HTT: variants seen among roughly 807,000 people sequenced by gnomAD.
HTT encodes the protein huntingtin.
A neutral mutation model predicts 362.3 loss-of-function variants in HTT; 104 were observed. The ratio of observed to expected loss-of-function variants is 0.29; its 90% CI spans 0.24 to 0.34. The LOEUF (loss-of-function observed/expected upper bound fraction) is 0.34. HTT is among the 10% of genes least tolerant of loss of function. The pLI, the probability that HTT is intolerant of heterozygous loss-of-function variation, is 1.00. For synonymous variants in HTT, 1,577 were observed against 1,548.7 expected, an observed-to-expected ratio of 1.02 and a Z score of -0.43; for missense variants, 3,301 against 3,928.6, an observed-to-expected ratio of 0.84 and a Z score of 4.27.
chr4:3,162,061 ATGT>A (rs1717473406), intron 29 of HTT, among the ~76,000 whole-genome samples: 2 of 152,146 alleles, frequency 1.3e-5, no homozygotes, highest in Non-Finnish European at 1.5e-5. Flanking sequence ...CCTAGGTCTT[ATGT>A]TTAAGTCTTT....
chr4:3,229,789 G>C lies in HTT; in HGVS notation c.8110-98G>C, dbSNP rs571275039. ...TCCCGCACAGTAATGTCTCTTGGGT[G>C]TAAGAACACGACTTGCCAGTAGTAG... On this transcript the variant is annotated intron_variant, in intron 59 of 66. Coordinates refer to ENST00000355072, the MANE Select transcript of HTT (RefSeq NM_001388492.1). The C allele has an allele frequency of 7.8e-6, 10 of 1,284,248 alleles. No individual in the cohort carries two copies. The East Asian group carries it at 2.3e-4, about 30-fold the overall frequency. The allele number at this position is 1,284,248 out of a possible 1,614,324, so 79.6% of individuals were successfully genotyped here.
intron 6 of HTT, among the ~76,000 whole-genome samples, chr4:3,109,818 A>C (rs1448661505): frequency 6.6e-6 from 1 of 152,026 alleles, no homozygotes; most frequent in African/African-American, 2.4e-5. Context: ...GCACCCGGGG[A>C]TCTGCTGATC....
intron 40 of HTT, among the ~76,000 whole-genome samples, chr4:3,193,457 A>G (rs1033327587): frequency 2.0e-5 from 3 of 152,204 alleles, no homozygotes; most frequent in African/African-American, 7.2e-5. Context: ...AGACAGCCTC[A>G]TTTCTAAGGA....
At position 3,235,587 on chromosome 4, in the gene HTT, G is replaced by A. The variant is rs573732436; in HGVS notation, c.8594G>A (p.Gly2865Glu). 2 of 1,613,890 alleles carry A rather than the reference G, an allele frequency of 1.2e-6. No individual in the cohort carries two copies. The highest frequency in any genetic ancestry group is 1.7e-6 in the Non-Finnish European group (2 of 1,180,010). ...CAGATGTGTGGGGTGATGCTGTCTG[G>A]AAGTGAGGAGTCCACCCCCTCCATC... ...IIQMCGVMLS[G>E]SEESTPSIIY... Residue 2865 changes from glycine (G) to glutamate (E), a missense_variant, in exon 63 of 67, where the codon GGA becomes GAA. Gly to Glu is a moderately conservative substitution (Grantham distance 98). Coordinates refer to ENST00000355072, the MANE Select transcript of HTT (RefSeq NM_001388492.1).
At chr4:3,090,991 A>G (rs1713476307) in intron 2 of HTT, among the ~76,000 whole-genome samples, 1 of 152,228 alleles carries the variant, frequency 6.6e-6, no homozygotes, top group African/African-American at 2.4e-5. Context: ...GCATGCCTGT[A>G]GTCCCAGCTA....
At chr4:3,083,530 T>TATACACACAC (rs1165543364) in intron 1 of HTT, among the ~76,000 whole-genome samples, 1 of 125,126 alleles carries the variant, frequency 8.0e-6, no homozygotes, top group Non-Finnish European at 1.7e-5. Flanking sequence ...TCTCTAAATA[T>TATACACACAC]ACACACACAC....
intron 40 of HTT, among the ~76,000 whole-genome samples, chr4:3,195,229 T>G (rs1007067635): frequency 9.9e-5 from 15 of 152,124 alleles, no homozygotes; most frequent in Non-Finnish European, 5.9e-5. Flanking sequence ...CCCTAGGAGC[T>G]CTCGATGGTG....
chr4:3,161,137 G>A (rs1212592499), intron 29 of HTT, among the ~76,000 whole-genome samples: 1 of 152,036 alleles, frequency 6.6e-6, no homozygotes, highest in Non-Finnish European at 1.5e-5. Flanking sequence ...TGTTCTCATT[G>A]TTCAATTTCC....
chr4:3,135,775 T>C (rs1274313777), intron 19 of HTT, 129 bp from the exon 20 acceptor site: 2 of 545,478 alleles, frequency 3.7e-6, no homozygotes, highest in Admixed American at 3.7e-5. Flanking sequence ...TGGCCTTTTT[T>C]GTTGTTTTGA....
intron 48 of HTT, among the ~76,000 whole-genome samples, chr4:3,212,358 C>G (rs934954713): frequency 6.6e-6 from 1 of 152,202 alleles, no homozygotes; most frequent in Non-Finnish European, 1.5e-5. Flanking sequence ...ACATAGGGCT[C>G]TAAGCCCTTG....
chr4:3,233,055 T>C (rs1381499973), intron 60 of HTT, 108 bp from the exon 61 acceptor site: 4 of 873,222 alleles, frequency 4.6e-6, no homozygotes, highest in Non-Finnish European at 5.3e-6. Flanking sequence ...CTGTGTAGTC[T>C]CTTCTGCACA....
At chr4:3,232,817 C>T (rs73074839) in intron 60 of HTT, among the ~76,000 whole-genome samples, 2,772 of 152,320 alleles carry the variant, frequency 0.018, 87 homozygotes, top group African/African-American at 0.062. Flanking sequence ...ACACTAGAGA[C>T]TCGGTGCCAG....
At chr4:3,107,542 G>A (rs572842862) in intron 6 of HTT, 119 bp downstream of exon 6, 70 of 929,932 alleles carry the variant, frequency 7.5e-5, no homozygotes, top group African/African-American at 5.5e-4. Flanking sequence ...GTTGTATGTC[G>A]TAATTTAGAC....
intron 10 of HTT, among the ~76,000 whole-genome samples, 177 bp from the exon 11 acceptor site, chr4:3,125,372 C>T (rs1320591937): frequency 6.6e-6 from 1 of 152,130 alleles, no homozygotes; most frequent in Non-Finnish European, 1.5e-5. Context: ...CTAAACATAA[C>T]ATCTCTACAT....
intron 60 of HTT, among the ~76,000 whole-genome samples, chr4:3,232,725 C>G (rs188341485): frequency 1.3e-5 from 2 of 152,364 alleles, no homozygotes; most frequent in East Asian, 3.9e-4. Flanking sequence ...GAATCCTCTC[C>G]CAGCGGGGTC....
intron 1 of HTT, among the ~76,000 whole-genome samples, chr4:3,081,552 T>G (rs1313978809): frequency 8.1e-6 from 1 of 124,046 alleles, no homozygotes; most frequent in African/African-American, 3.7e-5. Context: ...AAGCATTTCT[T>G]TTTTTTTTTT....
At chr4:3,086,897 T>C in intron 1 of HTT, 42 bp from the exon 2 acceptor site, 1 of 1,074,534 alleles carries the variant, frequency 9.3e-7, no homozygotes, top group Non-Finnish European at 1.4e-6. Flanking sequence ...GTGGAGTGGG[T>C]AATTCAACAC....
chr4:3,225,985 A>T (rs1056960521), intron 57 of HTT, among the ~76,000 whole-genome samples: 1 of 152,138 alleles, frequency 6.6e-6, no homozygotes, highest in Non-Finnish European at 1.5e-5. Context: ...AAGAGACCTC[A>T]CATGTAGCGA....
intron 6 of HTT, among the ~76,000 whole-genome samples, chr4:3,108,331 T>C (rs544450431): frequency 1.3e-5 from 2 of 152,348 alleles, no homozygotes; most frequent in South Asian, 4.1e-4. Flanking sequence ...AAACTAGTCA[T>C]GGGGTTTTGG....
Sources: gnomAD v4.1 joint callset for allele counts (sites outside exome capture counted in the v4.1 genomes callset) on GRCh38, gnomAD v4.1.1 for gene constraint, MANE v1.5 for transcripts, NCBI Gene and HGNC (gene_info 2026-07-23, HGNC 2026-07-21) for gene names.